RGS3: variants seen among roughly 807,000 people sequenced by gnomAD.
The protein encoded by RGS3 is regulator of G-protein signalling 3.
Under a neutral mutation model 132.6 loss-of-function variants are expected in RGS3, and 80 were observed. The ratio of observed to expected loss-of-function variants is 0.60; its 90% CI spans 0.50 to 0.73. RGS3 has a LOEUF of 0.73. Ranked by LOEUF, RGS3 falls within the 30% of genes least tolerant of loss-of-function variation. The probability of loss-of-function intolerance (pLI) is 0.00; values close to 1 mark genes in which losing one functional copy is unlikely to be tolerated. For synonymous variants in RGS3, 598 were observed against 620.6 expected, an observed-to-expected ratio of 0.96 and a Z score of 0.54; for missense variants, 1,382 against 1,530.8, an observed-to-expected ratio of 0.90 and a Z score of 1.62.
At chr9:113,551,408 A>C (rs1833334833) in intron 19 of RGS3, among the ~76,000 whole-genome samples, 1 of 152,188 alleles carries the variant, frequency 6.6e-6, no homozygotes, top group African/African-American at 2.4e-5. Flanking sequence ...CCTTTTGGCT[A>C]TTCTGTGTAA....
chr9:113,538,231 C>T (rs1343779165), intron 19 of RGS3, among the ~76,000 whole-genome samples: 1 of 152,180 alleles, frequency 6.6e-6, no homozygotes, highest in East Asian at 1.9e-4. Flanking sequence ...AATGCATTGC[C>T]CCCTGCCCAG....
intron 17 of RGS3, among the ~76,000 whole-genome samples, chr9:113,526,796 A>C (rs1295901858): frequency 6.6e-6 from 1 of 152,164 alleles, no homozygotes; most frequent in African/African-American, 2.4e-5. Context: ...TCTGGAACCC[A>C]ATGGCTCCTT....
intron 15 of RGS3, among the ~76,000 whole-genome samples, chr9:113,516,420 C>T (rs12338588): frequency 0.12 from 17,875 of 151,168 alleles, 1,263 homozygotes; most frequent in African/African-American, 0.19. Context: ...TGCAAGGGTG[C>T]GATCTCGGCT....
chr9:113,572,135 A>T (rs947868820), intron 19 of RGS3, among the ~76,000 whole-genome samples: 2 of 152,042 alleles, frequency 1.3e-5, no homozygotes, highest in Admixed American at 1.3e-4. Flanking sequence ...GACTGGCTGG[A>T]GGGAAAAGAG....
intron 20 of RGS3, chr9:113,589,887 G>T (rs1835330636): frequency 6.6e-6 from 1 of 152,220 alleles, no homozygotes; most frequent in South Asian, 2.1e-4. Context: ...GAGAGGCTAG[G>T]AAACTTACCC....
At position 113,518,056 on chromosome 9, in the gene RGS3, G is replaced by A. The variant is rs73655864; in HGVS notation, c.1758+432G>A. ...AATCCCATGTCCTCTTCTGAGAGAC[G>A]AGTCTATGATTTCGCCTGGGTTGTA... On this transcript the variant is annotated intron_variant, in intron 16 of 24. Coordinates refer to ENST00000350696, the Ensembl canonical transcript of RGS3. Among the ~76,000 whole-genome samples, 709 of 152,294 alleles carry A rather than the reference G, an allele frequency of 4.7e-3. 5 individuals carry two copies. The highest frequency in any genetic ancestry group is 0.017 in the African/African-American group (687 of 41,554).
exon 5 of RGS3, chr9:113,483,068 G>A: frequency 2.5e-6 from 4 of 1,614,088 alleles, no homozygotes; most frequent in Non-Finnish European, 3.4e-6. Context: ...GTTATAGAAG[G>A]TAAAGGCCTG....
chr9:113,483,525 G>A (rs2119225489), intron 5 of RGS3, among the ~76,000 whole-genome samples: 1 of 152,308 alleles, frequency 6.6e-6, no homozygotes, highest in East Asian at 1.9e-4. Flanking sequence ...GATCCTTCTG[G>A]GTTGGGCTTT....
chr9:113,473,037 T>A (rs1829883582), intron 3 of RGS3, among the ~76,000 whole-genome samples: 1 of 152,086 alleles, frequency 6.6e-6, no homozygotes, highest in South Asian at 2.1e-4. Flanking sequence ...TGAGACTCCA[T>A]CTCAATAATA....
At chr9:113,482,448 A>G (rs1830195833) in intron 4 of RGS3, among the ~76,000 whole-genome samples, 1 of 152,152 alleles carries the variant, frequency 6.6e-6, no homozygotes, top group African/African-American at 2.4e-5. Flanking sequence ...GCTGGGATTC[A>G]TGCCTGGGTC....
At position 113,463,779 on chromosome 9, in the gene RGS3, C is replaced by T. The variant is rs772205009; in HGVS notation, c.415+1578C>T. On this transcript the variant is annotated intron_variant, in intron 3 of 24. Coordinates refer to ENST00000350696, the Ensembl canonical transcript of RGS3. The surrounding 1 kb of genome is among the most constrained non-coding windows in gnomAD (Gnocchi z 4.6). ...CAGCCGCCTCGGGTTGCAGACGCTC[C>T]TGTCCGGGTCGCAGTGGGACGCCAT... is the stretch of plus-strand genomic sequence containing the variant. 16 of 1,599,106 alleles carry T rather than the reference C, an allele frequency of 1.0e-5. No individual in the cohort carries two copies. The highest frequency in any genetic ancestry group is 1.7e-6 in the Non-Finnish European group (2 of 1,174,024).
chr9:113,585,453 G>T (rs1282914353), intron 20 of RGS3, among the ~76,000 whole-genome samples: 2 of 152,240 alleles, frequency 1.3e-5, no homozygotes, highest in Non-Finnish European at 2.9e-5. Flanking sequence ...AAATGCAACA[G>T]CCAGTGCAAG....
intron 3 of RGS3, among the ~76,000 whole-genome samples, chr9:113,470,653 G>A (rs888741078): frequency 6.6e-6 from 1 of 152,096 alleles, no homozygotes. Flanking sequence ...TAGGTGTGCT[G>A]TGTCTGCTGC....
intron 3 of RGS3, among the ~76,000 whole-genome samples, chr9:113,472,447 A>T (rs1399809723): frequency 2.6e-5 from 4 of 152,242 alleles, no homozygotes; most frequent in African/African-American, 9.6e-5. Context: ...CCACAAAGGG[A>T]CTAAAATACT....
At chr9:113,582,991 T>C (rs904909460) in intron 19 of RGS3, 1 of 172,554 alleles carries the variant, frequency 5.8e-6, no homozygotes, top group African/African-American at 2.4e-5. Flanking sequence ...CTGGGCTGGG[T>C]TCAGTGACTG....
intron 21 of RGS3, 161 bp from the exon 20 acceptor site, chr9:113,594,269 C>T: frequency 6.2e-7 from 1 of 1,608,796 alleles, no homozygotes; most frequent in Non-Finnish European, 8.5e-7. Flanking sequence ...GTGGGGGGCC[C>T]TACAGAGATG....
Position 113,565,363 on chromosome 9 carries a change from G to A in RGS3, c.2038-18087G>A, listed in dbSNP as rs1433914935. ...GTGGCGGTGGCCGGCTAGACAGGGT[G>A]TGTGTTTGGGAAAGGCGCTGGAGGA... On this transcript the variant is annotated intron_variant, in intron 19 of 24. Coordinates refer to ENST00000350696, the Ensembl canonical transcript of RGS3. This position sits in a 1 kb window ranked among gnomAD's most constrained non-coding sequence, Gnocchi z 5.7. The A allele has an allele frequency of 2.3e-6, 3 of 1,290,124 alleles. No homozygotes were observed. Among genetic ancestry groups the A allele is most frequent in the Non-Finnish European group, 3.0e-6 (3 of 988,822 alleles). 79.9% of individuals were successfully genotyped at this position (1,290,124 alleles called of 1,614,324 possible).
chr9:113,529,234 C>T (rs34682731), exon 18 of RGS3: 83,097 of 1,611,888 alleles, frequency 0.052, 2,561 homozygotes, highest in South Asian at 0.057. Context: ...CTTCAGAAGA[C>T]CTGAAATTCT....
intron 16 of RGS3, among the ~76,000 whole-genome samples, chr9:113,520,927 T>C (rs72761987): frequency 0.12 from 17,975 of 152,110 alleles, 1,265 homozygotes; most frequent in African/African-American, 0.19. Context: ...CACATTGGTA[T>C]CTCTCTGTAT....
Sources: gnomAD v4.1 joint callset for allele counts (sites outside exome capture counted in the v4.1 genomes callset) on GRCh38, gnomAD v4.1.1 for gene constraint, Gnocchi (gnomAD v3.1) non-coding constraint, MANE v1.5 for transcripts, NCBI Gene and HGNC (gene_info 2026-07-23, HGNC 2026-07-21) for gene names.